Variants in AOAH observed in about 807,000 individuals in gnomAD.
The protein encoded by AOAH is acyloxyacyl hydrolase (neutrophil).
In AOAH, 64 loss-of-function variants were observed where a neutral mutation model predicts 92.2. The observed-to-expected ratio is 0.69, with a 90% CI of 0.57 to 0.86. The LOEUF (loss-of-function observed/expected upper bound fraction) is 0.86. Ranked by LOEUF, AOAH falls within the 40% of genes least tolerant of loss-of-function variation. The pLI is 0.00. For synonymous variants in AOAH, 263 were observed against 254.5 expected, an observed-to-expected ratio of 1.03 and a Z score of -0.32; for missense variants, 656 against 694.6, an observed-to-expected ratio of 0.94 and a Z score of 0.62.
chr7:36,640,899 C>T (rs1412665334), intron 4 of AOAH, among the ~76,000 whole-genome samples: 1 of 152,110 alleles, frequency 6.6e-6, no homozygotes, highest in Admixed American at 6.5e-5. Context: ...AAGCTCATGG[C>T]CTTGAGTAGG....
intron 2 of AOAH, 84 bp downstream of exon 2, chr7:36,686,615 T>C: frequency 1.5e-6 from 1 of 645,668 alleles, no homozygotes; most frequent in East Asian, 3.1e-5. Context: ...TCTGTAAGTG[T>C]GGGCAGGAAG....
intron 15 of AOAH, among the ~76,000 whole-genome samples, chr7:36,542,435 T>TA (rs1191968348): frequency 2.0e-5 from 3 of 152,152 alleles, no homozygotes; most frequent in Admixed American, 6.5e-5. Flanking sequence ...GTGAACCAGA[T>TA]AAAATAAGTC....
intron 4 of AOAH, among the ~76,000 whole-genome samples, chr7:36,644,093 T>C (rs1166849622): frequency 1.3e-5 from 2 of 152,212 alleles, no homozygotes; most frequent in Non-Finnish European, 2.9e-5. Flanking sequence ...GCTGTTACAA[T>C]GTAGGAGAGA....
chr7:36,556,591 G>A (rs1786734374), intron 13 of AOAH, among the ~76,000 whole-genome samples: 1 of 149,134 alleles, frequency 6.7e-6, no homozygotes, highest in Non-Finnish European at 1.5e-5. Context: ...GGGTGTTAAA[G>A]TCTCCCATTA....
chr7:36,633,699 G>A (rs117868969), intron 5 of AOAH, among the ~76,000 whole-genome samples: 4,527 of 152,238 alleles, frequency 0.03, 123 homozygotes, highest in Non-Finnish European at 0.04. Context: ...TGGGGAAGCC[G>A]TGGAGGTGTC....
At chr7:36,534,047 G>C (rs965706472) in intron 16 of AOAH, among the ~76,000 whole-genome samples, 14 of 152,040 alleles carry the variant, frequency 9.2e-5, no homozygotes. Flanking sequence ...AGCCTGACAG[G>C]AGGTGGCACC....
At chr7:36,720,081 C>A (rs1337570454) in intron 1 of AOAH, among the ~76,000 whole-genome samples, 1 of 152,058 alleles carries the variant, frequency 6.6e-6, no homozygotes, top group African/African-American at 2.4e-5. Flanking sequence ...TTTGAGATAA[C>A]TGAAGCTTCC....
intron 11 of AOAH, among the ~76,000 whole-genome samples, chr7:36,595,561 A>G (rs949263960): frequency 8.5e-5 from 13 of 152,194 alleles, no homozygotes; most frequent in Non-Finnish European, 1.6e-4. Flanking sequence ...ATACATAAAT[A>G]ATAAAGGATG....
At chr7:36,586,208 A>T (rs1789311317) in intron 12 of AOAH, among the ~76,000 whole-genome samples, 1 of 152,070 alleles carries the variant, frequency 6.6e-6, no homozygotes, top group South Asian at 2.1e-4. Flanking sequence ...CTGATCTATT[A>T]TTCCCTTGCT....
chr7:36,690,700 A>C (rs1350188971), intron 1 of AOAH, among the ~76,000 whole-genome samples: 1 of 152,192 alleles, frequency 6.6e-6, no homozygotes. Flanking sequence ...AGAGCTATGC[A>C]TTTTGCTCAG....
Position 36,673,968 on chromosome 7 carries a change from T to C in AOAH, c.265A>G (p.Lys89Glu). The change falls in exon 3 of 21, where the codon AAG (lysine) becomes GAG (glutamate). Residue 89 changes from lysine (K) to glutamate (E), a missense_variant. By Grantham distance (56) the Lys-to-Glu change is moderately conservative. Transcript: ENST00000617537. ...LKTTCYLVID[K>E]FGSDIIKLLS... ...AGTTTTATGATGTCTGATCCAAACT[T>C]GTCAATGACTAAATAGCAGGTGGTT... 1 of 1,610,940 alleles carries C rather than the reference T, an allele frequency of 6.2e-7. No homozygotes were observed.
At chr7:36,682,864 T>A (rs7777444) in intron 2 of AOAH, among the ~76,000 whole-genome samples, 42,913 of 151,686 alleles carry the variant, frequency 0.28, 7,480 homozygotes, top group African/African-American at 0.5. Context: ...AGACAGGCAA[T>A]GAAGATTCAA....
intron 4 of AOAH, among the ~76,000 whole-genome samples, chr7:36,656,403 A>G (rs1219644879): frequency 6.6e-6 from 1 of 152,160 alleles, no homozygotes; most frequent in Non-Finnish European, 1.5e-5. Context: ...AGTCATGAGA[A>G]TTCCTTCTGG....
intron 16 of AOAH, among the ~76,000 whole-genome samples, chr7:36,537,481 A>C (rs1222752303): frequency 6.7e-6 from 1 of 148,884 alleles, no homozygotes; most frequent in Non-Finnish European, 1.5e-5. Context: ...GCCTCTACTC[A>C]CTAGATGCTA....
intron 4 of AOAH, among the ~76,000 whole-genome samples, chr7:36,656,977 G>A (rs149607091): frequency 1.7e-3 from 255 of 151,974 alleles, no homozygotes; most frequent in African/African-American, 6.0e-3. Context: ...ACGTAGGAGT[G>A]ATTTGCAGAA....
chr7:36,536,075 C>T (rs375936283), intron 16 of AOAH, among the ~76,000 whole-genome samples: 5 of 152,192 alleles, frequency 3.3e-5, no homozygotes, highest in African/African-American at 1.2e-4. Context: ...AGAGATTCGT[C>T]ACCCCCTTGT....
intron 1 of AOAH, 88 bp from the exon 2 acceptor site, chr7:36,686,882 G>C (rs1797060123): frequency 3.0e-6 from 2 of 668,346 alleles, no homozygotes; most frequent in South Asian, 7.1e-5. Flanking sequence ...GTGTGTGTGT[G>C]TGTGTGTGTG....
chr7:36,548,593 C>T lies in AOAH; in HGVS notation c.1133+19G>A. On this transcript the variant is annotated intron_variant, in intron 15 of 20. Coordinates refer to ENST00000617537, the MANE Select transcript of AOAH (RefSeq NM_001637.4). ...CCAGAGCCAAAGAATCTTGAAAATA[C>T]TTTTTCTCAATAACTCACCCACTGC... The T allele has an allele frequency of 6.2e-7, 1 of 1,608,322 alleles. No homozygotes were observed. The highest frequency in any genetic ancestry group is 8.5e-7 in the Non-Finnish European group (1 of 1,175,180).
chr7:36,703,336 C>A (rs907633022), intron 1 of AOAH, among the ~76,000 whole-genome samples: 1 of 152,018 alleles, frequency 6.6e-6, no homozygotes, highest in South Asian at 2.1e-4. Flanking sequence ...TTTACTTTTC[C>A]GAGATTCATC....
Sources: allele counts gnomAD v4.1 joint callset (sites outside exome capture counted in the v4.1 genomes callset), GRCh38; gene constraint gnomAD v4.1.1; transcripts MANE v1.5; gene names NCBI Gene and HGNC (gene_info 2026-07-23, HGNC 2026-07-21).